WWP1: variants seen among roughly 807,000 people sequenced by gnomAD.
The protein encoded by WWP1 is WW domain containing E3 ubiquitin protein ligase 1.
Under a neutral mutation model 130.6 loss-of-function variants are expected in WWP1, and 49 were observed. The observed-to-expected ratio is 0.38, with a 90% CI of 0.30 to 0.48. The LOEUF is 0.48. Ranked by LOEUF, WWP1 falls within the 20% of genes least tolerant of loss-of-function variation. WWP1 has a pLI of 0.99. For synonymous variants in WWP1, 332 were observed against 367.8 expected (o/e 0.90, Z 1.11); for missense variants, 809 against 1,100.6 (o/e 0.74, Z 3.75).
chr8:86,468,002 CTTT>C lies in WWP1; in HGVS notation c.*1112_*1114del, dbSNP rs1812266751. On this transcript the variant is annotated 3_prime_UTR_variant, in exon 25 of 25. Transcript: ENST00000517970. ...ACAGATAATTATTTTTGTCATAACA[CTTT>C]TTAATTGTTTTTCATCATAGGGGCC... The C allele has an allele frequency of 6.5e-6, 1 of 153,694 alleles. No individual in the cohort carries two copies. The highest frequency in any genetic ancestry group is 1.4e-5 in the Non-Finnish European group (1 of 69,148). 9.5% of individuals were successfully genotyped at this position (153,694 alleles called of 1,614,324 possible). A position where few individuals can be genotyped will look rare whatever the true frequency, so the allele number is the denominator to read the frequency against.
intron 8 of WWP1, among the ~76,000 whole-genome samples, chr8:86,405,324 G>A (rs1336360978): frequency 1.4e-4 from 17 of 118,692 alleles, no homozygotes; most frequent in African/African-American, 4.8e-4. Flanking sequence ...GAAACCAAAA[G>A]GATTTTTTTT....
At position 86,427,775 on chromosome 8, in the gene WWP1, G is replaced by T; in HGVS notation, c.1290G>T (p.Leu430Phe). 6.2e-7 allele frequency: 1 copy of T among 1,613,668 alleles called. No individual in the cohort carries two copies. Among genetic ancestry groups the T allele is most frequent in the East Asian group, 2.2e-5 (1 of 44,862 alleles). The change falls in exon 11 of 25, where the codon TTG (leucine) becomes TTT (phenylalanine). Residue 430 changes from leucine (L) to phenylalanine (F), a missense_variant. Leu to Phe is a conservative substitution (Grantham distance 22). Transcript: ENST00000517970. ...FEQWQSQRNQ[L>F]QGAMQQFNQR... ...AGTGGCAATCTCAGCGGAACCAATTGCAGGGAGCTATGCAACAGTTTAACC... is the reference window on the plus strand; with the variant it reads ...AGTGGCAATCTCAGCGGAACCAATTTCAGGGAGCTATGCAACAGTTTAACC...
At position 86,381,523 on chromosome 8, in the gene WWP1, T is replaced by C; in HGVS notation, c.228T>C (p.Thr76=). ...CTTCCAGAAATGTTACGCCACAGAC[T>C]ACATTGGAATTTCAAGTTTGGAGCC... ...EQLTVNVTPQ[T]TLEFQVWSHR... Residue 76 remains threonine (T), a synonymous_variant, in exon 5 of 25, where the codon ACT becomes ACC. Coordinates refer to ENST00000517970, the MANE Select transcript of WWP1 (RefSeq NM_007013.4). 6.2e-7 allele frequency: 1 copy of C among 1,608,922 alleles called. No individual in the cohort carries two copies. The highest frequency in any genetic ancestry group is 8.5e-7 in the Non-Finnish European group (1 of 1,178,940).
At chr8:86,384,803 C>A (rs987332250) in intron 5 of WWP1, among the ~76,000 whole-genome samples, 2 of 152,072 alleles carry the variant, frequency 1.3e-5, no homozygotes, top group African/African-American at 4.8e-5. Flanking sequence ...GAGTTTGATA[C>A]CAGCCTGGGC....
At chr8:86,374,622 T>A (rs138740329) in intron 3 of WWP1, among the ~76,000 whole-genome samples, 2 of 152,340 alleles carry the variant, frequency 1.3e-5, no homozygotes, top group African/African-American at 4.8e-5. Context: ...CATGCTGATA[T>A]TTCCAATTCA....
At chr8:86,381,192 G>A (rs1824967256) in intron 4 of WWP1, among the ~76,000 whole-genome samples, 1 of 152,112 alleles carries the variant, frequency 6.6e-6, no homozygotes, top group Admixed American at 6.6e-5. Flanking sequence ...AAAGTATCAT[G>A]TAAGTCTTTA....
rs770020102 is a variant in WWP1, at chr8:86,461,217, A to G, written c.2500-7A>G. ...TTCATATTAAAGTACATTTAATTTCATTACAGTTTGTGAAAGAGACAGACA... is the reference window on the plus strand; with the variant it reads ...TTCATATTAAAGTACATTTAATTTCGTTACAGTTTGTGAAAGAGACAGACA... On this transcript the variant is annotated splice_polypyrimidine_tract_variant and splice_region_variant and intron_variant, in intron 22 of 24. Coordinates refer to ENST00000517970, the MANE Select transcript of WWP1 (RefSeq NM_007013.4). The G allele has an allele frequency of 2.5e-6, 4 of 1,611,802 alleles. No individual in the cohort carries two copies. The highest frequency in any genetic ancestry group is 3.4e-6 in the Non-Finnish European group (4 of 1,178,158).
chr8:86,437,126 A>C (rs1263216279), intron 16 of WWP1, among the ~76,000 whole-genome samples: 1 of 152,220 alleles, frequency 6.6e-6, no homozygotes, highest in East Asian at 1.9e-4. Context: ...CACTGAGCCC[A>C]CGACTGCCTC....
chr8:86,403,232 A>G (rs923521327), intron 8 of WWP1, among the ~76,000 whole-genome samples: 12 of 152,222 alleles, frequency 7.9e-5, no homozygotes, highest in Non-Finnish European at 1.2e-4. Flanking sequence ...GGAAGTATTC[A>G]GAATTAGAAA....
intron 1 of WWP1, among the ~76,000 whole-genome samples, chr8:86,364,833 A>AAGAAAGAAAGAGAGAG (rs1491179112): frequency 8.8e-6 from 1 of 113,742 alleles, no homozygotes; most frequent in Non-Finnish European, 1.9e-5. Context: ...GAAAGAAAGA[A>AAGAAAGAAAGAGAGAG]AGAGAGAGAG....
rs548617256 is a variant in WWP1, at chr8:86,390,460, A to G, written c.335-7882A>G. 7.9e-5 allele frequency among the ~76,000 whole-genome samples: 12 copies of G among 152,340 alleles called. No homozygotes were observed. In the South Asian group the frequency reaches 2.3e-3, roughly 29 times the overall value. The stretch of plus-strand genomic sequence containing the variant: ...GCAATCCCGGCACTTCGGGAGGCCC[A>G]GGCTGGCAGATCACTCGCGGTCAGG... On this transcript the variant is annotated intron_variant, in intron 5 of 24. Transcript: ENST00000517970.
Position 86,396,775 on chromosome 8 carries a change from A to T in WWP1, c.335-1567A>T, listed in dbSNP as rs181998392. On this transcript the variant is annotated intron_variant, in intron 5 of 24. Coordinates refer to ENST00000517970, the MANE Select transcript of WWP1 (RefSeq NM_007013.4). ...CACCTGGCTAATTTTTAATTTTTTT[A>T]AAAAAATAGAGACAGCGTCTTGCTA... is the stretch of plus-strand genomic sequence containing the variant. Among the ~76,000 whole-genome samples the T allele has an allele frequency of 2.5e-4, 38 of 152,042 alleles. 1 individual carries two copies. The highest frequency in any genetic ancestry group is 5.8e-4 in the East Asian group (3 of 5,146).
In WWP1 at chr8:86,418,355, A is replaced by G. The variant is rs1228102404; in HGVS notation, c.1061+6481A>G. Reference sequence around the variant, plus strand: ...TTCCTTGTGTATTATTTATTGCTATATAATAAATTACCCCAGAATTTATCT... The same window carrying G: ...TTCCTTGTGTATTATTTATTGCTATGTAATAAATTACCCCAGAATTTATCT... On this transcript the variant is annotated intron_variant, in intron 9 of 24. Coordinates refer to ENST00000517970, the MANE Select transcript of WWP1 (RefSeq NM_007013.4). Among the ~76,000 whole-genome samples, 4 of 152,180 alleles carry G rather than the reference A, an allele frequency of 2.6e-5. No homozygotes were observed. In the East Asian group the frequency reaches 5.8e-4, roughly 22 times the overall value.
At chr8:86,448,004 ATATTT>A (rs1189082210) in intron 18 of WWP1, 139 bp from the exon 19 acceptor site, 1 of 666,058 alleles carries the variant, frequency 1.5e-6, no homozygotes, top group African/African-American at 1.9e-5. Context: ...ATTTTATATA[ATATTT>A]TAGTTTTCAT....
At chr8:86,385,262 T>C (rs1421475268) in intron 5 of WWP1, among the ~76,000 whole-genome samples, 2 of 152,176 alleles carry the variant, frequency 1.3e-5, no homozygotes, top group African/African-American at 4.8e-5. Context: ...TGTATAAGGC[T>C]CCAGTGGAGG....
In WWP1 at chr8:86,372,017, ATTTTTTTTT is replaced by A. The variant is rs34458424; in HGVS notation, c.-21-1997_-21-1989del. ...ACCACCACGCCTGGCTAATTTTTGT[ATTTTTTTTT>A]TTTTTTTTTTTTTTTGAGACGGAGT... On this transcript the variant is annotated intron_variant, in intron 2 of 24. Transcript: ENST00000517970. 2.1e-3 allele frequency among the ~76,000 whole-genome samples: 147 copies of A among 70,212 alleles called. 1 individual carries two copies. The highest frequency in any genetic ancestry group is 8.5e-3 in the African/African-American group (142 of 16,798). 46.1% of individuals were successfully genotyped at this position (70,212 alleles called of 152,430 possible). A position where few individuals can be genotyped will look rare whatever the true frequency, so the allele number is the denominator to read the frequency against.
At chr8:86,431,322 ATATT>A (rs1476780929) in intron 12 of WWP1, 80 bp from the exon 13 acceptor site, 7 of 322,278 alleles carry the variant, frequency 2.2e-5, no homozygotes, top group Admixed American at 5.8e-5. Context: ...TATATAATAT[ATATT>A]ATATATAATT....
In WWP1 at chr8:86,357,236, C is replaced by T. The variant is rs1000956769; in HGVS notation, c.-114-11703C>T. ...GAGGCCGAGTGAGGTTTAGATGCCC[C>T]ATCTCACTCAGCCATTTAATATAGA... On this transcript the variant is annotated intron_variant, in intron 1 of 24. Transcript: ENST00000517970. Among the ~76,000 whole-genome samples the T allele has an allele frequency of 1.3e-5, 2 of 152,170 alleles. 1 individual carries two copies. The highest frequency in any genetic ancestry group is 4.1e-4 in the South Asian group (2 of 4,824).
chr8:86,462,794 A>G (rs895054627), intron 24 of WWP1, among the ~76,000 whole-genome samples: 5 of 152,156 alleles, frequency 3.3e-5, no homozygotes, highest in Admixed American at 1.3e-4. Flanking sequence ...ATGGTTTGTG[A>G]ACCTGCTTGT....
Sources: gnomAD v4.1 joint callset for allele counts (sites outside exome capture counted in the v4.1 genomes callset) on GRCh38, gnomAD v4.1.1 for gene constraint, MANE v1.5 for transcripts, NCBI Gene and HGNC (gene_info 2026-07-23, HGNC 2026-07-21) for gene names.